The following ACYP2 variants were observed in gnomAD, a reference collection of about 807,000 sequenced individuals.
The protein encoded by ACYP2 is acylphosphatase 2, also known as acylphosphatase-2.
Under a neutral mutation model 11.2 loss-of-function variants are expected in ACYP2, and 12 were observed. The ratio of observed to expected loss-of-function variants is 1.08; its 90% CI spans 0.69 to 1.74. The LOEUF (loss-of-function observed/expected upper bound fraction) is 1.74, where lower values mean the gene tolerates loss of function less well. Among genes scored for constraint, ACYP2 ranks in the 40% most tolerant of loss-of-function variants. The pLI is 0.00. For synonymous variants in ACYP2, 43 were observed against 32.2 expected (o/e 1.33, Z -1.13); for missense variants, 134 against 101.9 (o/e 1.31, Z -1.35).
chr2:54,177,527 GT>G (rs1047448856), intron 6 of ACYP2, among the ~76,000 whole-genome samples: 55 of 148,208 alleles, frequency 3.7e-4, no homozygotes, highest in African/African-American at 1.3e-3. Flanking sequence ...CAATCACTCC[GT>G]TTGAGTATGC....
intron 1 of ACYP2, among the ~76,000 whole-genome samples, chr2:53,972,937 G>A (rs372742190): frequency 1.3e-5 from 2 of 152,188 alleles, no homozygotes; most frequent in African/African-American, 2.4e-5. Context: ...GCAGATTAGC[G>A]TGTAGATGGA....
chr2:54,293,223 C>G (rs957376157), intron 6 of ACYP2, among the ~76,000 whole-genome samples: 1 of 152,154 alleles, frequency 6.6e-6, no homozygotes, highest in East Asian at 1.9e-4. Flanking sequence ...AGTCTACTTC[C>G]ATCCATTACC....
intron 4 of ACYP2, among the ~76,000 whole-genome samples, chr2:54,134,727 A>C (rs1681121902): frequency 6.6e-6 from 1 of 152,252 alleles, no homozygotes; most frequent in African/African-American, 2.4e-5. Flanking sequence ...TCATTTACTT[A>C]CCACTTAATA....
intron 6 of ACYP2, among the ~76,000 whole-genome samples, chr2:54,146,570 C>T (rs1046496090): frequency 2.2e-4 from 33 of 149,820 alleles, no homozygotes; most frequent in Admixed American, 1.8e-3. Context: ...CCACCATGCC[C>T]GGCCCCTGAT....
At chr2:53,977,170 C>G (rs557949106) in intron 2 of ACYP2, among the ~76,000 whole-genome samples, 5 of 152,230 alleles carry the variant, frequency 3.3e-5, no homozygotes, top group African/African-American at 1.2e-4. Flanking sequence ...GCCTCAGTTT[C>G]CCGAGTAGCT....
chr2:54,058,784 G>A (rs1676303676), intron 4 of ACYP2, among the ~76,000 whole-genome samples: 1 of 151,522 alleles, frequency 6.6e-6, no homozygotes. Context: ...TGGTCTTAGG[G>A]TGAAGGGGCT....
intron 2 of ACYP2, among the ~76,000 whole-genome samples, chr2:54,045,201 C>T (rs1350992890): frequency 6.6e-6 from 1 of 152,248 alleles, no homozygotes; most frequent in East Asian, 1.9e-4. Context: ...TGATTTCATC[C>T]CCCTTATTCC....
intron 2 of ACYP2, among the ~76,000 whole-genome samples, chr2:54,046,167 C>CAAAAA (rs36114622): frequency 3.6e-5 from 2 of 55,852 alleles, no homozygotes; most frequent in African/African-American, 7.2e-5. Context: ...CAGACCCTGT[C>CAAAAA]AAAAAAAAAA....
intron 2 of ACYP2, among the ~76,000 whole-genome samples, chr2:53,992,810 G>T (rs1200126858): frequency 7.2e-6 from 1 of 139,274 alleles, no homozygotes; most frequent in Non-Finnish European, 1.5e-5. Flanking sequence ...CAGCCTAGGC[G>T]ACATAGTGAA....
chr2:54,034,733 G>A (rs1674780846), intron 2 of ACYP2, among the ~76,000 whole-genome samples: 1 of 152,058 alleles, frequency 6.6e-6, no homozygotes, highest in South Asian at 2.1e-4. Context: ...AGACTCATCT[G>A]GGCACGGTGG....
At chr2:54,217,621 C>T (rs1406166097) in intron 6 of ACYP2, among the ~76,000 whole-genome samples, 2 of 152,144 alleles carry the variant, frequency 1.3e-5, no homozygotes, top group African/African-American at 2.4e-5. Flanking sequence ...GATCCCCCTG[C>T]CTCGGCTTCC....
intron 4 of ACYP2, chr2:54,123,457 G>T (rs1281571121): frequency 1.5e-5 from 6 of 398,322 alleles, no homozygotes; most frequent in Non-Finnish European, 2.2e-5. Context: ...TCCTTTTTTT[G>T]TGTGTGTGGC....
intron 2 of ACYP2, among the ~76,000 whole-genome samples, chr2:54,025,245 T>G (rs1446914757): frequency 6.6e-6 from 1 of 152,138 alleles, no homozygotes; most frequent in East Asian, 1.9e-4. Flanking sequence ...AAAATTCATA[T>G]GGAACCAAAA....
intron 2 of ACYP2, among the ~76,000 whole-genome samples, chr2:54,030,943 TC>T (rs1674551528): frequency 6.6e-6 from 1 of 152,096 alleles, no homozygotes; most frequent in South Asian, 2.1e-4. Flanking sequence ...TCTGTGCCAA[TC>T]ATTGTGTGTG....
chr2:54,035,031 A>AAAAAAAAAAAAAAAAAAAAAAAAAAAAC, intron 2 of ACYP2, among the ~76,000 whole-genome samples: 1 of 143,032 alleles, frequency 7.0e-6, no homozygotes, highest in South Asian at 2.2e-4. Context: ...AAAAAAAAAA[A>AAAAAAAAAAAAAAAAAAAAAAAAAAAAC]AGCCTAGACT....
chr2:54,275,480 T>G (rs1688514623), intron 6 of ACYP2, among the ~76,000 whole-genome samples: 1 of 152,208 alleles, frequency 6.6e-6, no homozygotes, highest in African/African-American at 2.4e-5. Context: ...CCCACTTGAC[T>G]ATTTCTAGCT....
intron 6 of ACYP2, among the ~76,000 whole-genome samples, chr2:54,301,283 G>A (rs558629000): frequency 2.0e-5 from 3 of 152,030 alleles, no homozygotes; most frequent in Middle Eastern, 3.4e-3. Context: ...TAAGATTTGG[G>A]GAAAAAAACC....
At chr2:53,997,569 G>C (rs1364065774) in intron 2 of ACYP2, among the ~76,000 whole-genome samples, 3 of 152,078 alleles carry the variant, frequency 2.0e-5, no homozygotes, top group Non-Finnish European at 4.4e-5. Context: ...GCCTCCCAAA[G>C]TGCTGAGACT....
At chr2:54,063,502 G>A (rs976225232) in intron 4 of ACYP2, among the ~76,000 whole-genome samples, 4 of 152,166 alleles carry the variant, frequency 2.6e-5, no homozygotes, top group Non-Finnish European at 5.9e-5. Context: ...GGCTGGGTTT[G>A]ACCCAGGAGA....
Sources: gnomAD v4.1 joint callset for allele counts (sites outside exome capture counted in the v4.1 genomes callset) on GRCh38, gnomAD v4.1.1 for gene constraint, MANE v1.5 for transcripts, NCBI Gene and HGNC (gene_info 2026-07-23, HGNC 2026-07-21) for gene names.